The following NRXN1 variants were observed in gnomAD, a reference collection of about 807,000 sequenced individuals.
The protein encoded by NRXN1 is neurexin-1.
Under a neutral mutation model 150.9 loss-of-function variants are expected in NRXN1, and 39 were observed. That is an observed-to-expected ratio of 0.26 (90% CI 0.20 to 0.34). The LOEUF (loss-of-function observed/expected upper bound fraction) is 0.34, where lower values mean the gene tolerates loss of function less well. Ranked by LOEUF, NRXN1 falls within the 10% of genes least tolerant of loss-of-function variation. The pLI is 1.00. For synonymous variants in NRXN1, 924 were observed against 757.0 expected, an observed-to-expected ratio of 1.22 and a Z score of -3.62; for missense variants, 1,815 against 1,949.9, an observed-to-expected ratio of 0.93 and a Z score of 1.30.
At chr2:50,218,336 CAGTT>C (rs139092993) in intron 18 of NRXN1, among the ~76,000 whole-genome samples, 10,446 of 151,966 alleles carry the variant, frequency 0.069, 412 homozygotes, top group Middle Eastern at 0.12. Context: ...AATTGGGTGA[CAGTT>C]AGCTCCCAGA....
intron 9 of NRXN1, 61 bp from the exon 10 acceptor site, chr2:50,538,697 T>C: frequency 1.5e-6 from 2 of 1,335,030 alleles, no homozygotes; most frequent in East Asian, 2.5e-5. Flanking sequence ...TATAATTATC[T>C]TTCTCTCTTT....
chr2:50,992,336 G>C (rs1189789972), intron 2 of NRXN1, among the ~76,000 whole-genome samples: 1 of 151,924 alleles, frequency 6.6e-6, no homozygotes, highest in African/African-American at 2.4e-5. Context: ...GGTCATACAG[G>C]TAGCAAACAG....
At chr2:50,243,293 CAT>C (rs989426092) in intron 17 of NRXN1, among the ~76,000 whole-genome samples, 1 of 151,420 alleles carries the variant, frequency 6.6e-6, no homozygotes, top group Admixed American at 6.6e-5. Context: ...ACAATTATAA[CAT>C]GTCAATAAAA....
At chr2:50,826,027 A>T (rs1670402047) in intron 5 of NRXN1, among the ~76,000 whole-genome samples, 1 of 152,224 alleles carries the variant, frequency 6.6e-6, no homozygotes, top group Non-Finnish European at 1.5e-5. Context: ...CATGGAAATT[A>T]CAGTGGCTAT....
chr2:50,258,698 T>C (rs1453289611), intron 17 of NRXN1, among the ~76,000 whole-genome samples: 6 of 152,060 alleles, frequency 3.9e-5, no homozygotes, highest in South Asian at 2.1e-4. Flanking sequence ...TTTGTCTAGA[T>C]ACATCATAGG....
intron 5 of NRXN1, among the ~76,000 whole-genome samples, chr2:50,685,605 C>T (rs1229200939): frequency 6.6e-6 from 1 of 152,102 alleles, no homozygotes; most frequent in Non-Finnish European, 1.5e-5. Context: ...CAATATCCTC[C>T]AATGAGTATA....
intron 2 of NRXN1, among the ~76,000 whole-genome samples, chr2:50,995,817 G>GA (rs1389705200): frequency 6.6e-6 from 1 of 152,032 alleles, no homozygotes; most frequent in African/African-American, 2.4e-5. Flanking sequence ...ATTCTTGTGT[G>GA]ACTAAGCAAA....
intron 17 of NRXN1, among the ~76,000 whole-genome samples, chr2:50,412,561 C>G (rs1216335128): frequency 1.3e-5 from 2 of 151,508 alleles, no homozygotes; most frequent in Non-Finnish European, 2.9e-5. Context: ...TTTTTTTTCA[C>G]TCTTTATAAA....
intron 18 of NRXN1, among the ~76,000 whole-genome samples, chr2:50,189,947 A>G (rs2061345103): frequency 2.0e-5 from 3 of 152,192 alleles, no homozygotes; most frequent in Admixed American, 2.0e-4. Flanking sequence ...CATTTCACAA[A>G]TCAAACTCAA....
At chr2:50,445,941 T>A (rs1371452898) in intron 17 of NRXN1, among the ~76,000 whole-genome samples, 1 of 152,138 alleles carries the variant, frequency 6.6e-6, no homozygotes, top group African/African-American at 2.4e-5. Context: ...GTATTGACAT[T>A]CTCAATTTCT....
At chr2:50,309,760 A>T (rs1417427699) in intron 17 of NRXN1, among the ~76,000 whole-genome samples, 1 of 152,148 alleles carries the variant, frequency 6.6e-6, no homozygotes, top group Non-Finnish European at 1.5e-5. Context: ...AATAATTATT[A>T]ATTGCACTTA....
chr2:50,417,389 C>T (rs1275846384), intron 17 of NRXN1: 2 of 152,080 alleles, frequency 1.3e-5, no homozygotes, highest in Admixed American at 1.3e-4. Flanking sequence ...CTTCTCACTG[C>T]ATCTTTTGTT....
chr2:50,252,325 C>T (rs1429874696), intron 17 of NRXN1, among the ~76,000 whole-genome samples: 1 of 121,072 alleles, frequency 8.3e-6, no homozygotes, highest in Non-Finnish European at 1.6e-5. Context: ...AGTGCGTGAT[C>T]TTGGCTCACT....
chr2:50,273,775 A>G (rs1484385733), intron 17 of NRXN1, among the ~76,000 whole-genome samples: 1 of 152,198 alleles, frequency 6.6e-6, no homozygotes, highest in Non-Finnish European at 1.5e-5. Flanking sequence ...ATATGAAAAA[A>G]AGCTCATCAT....
intron 5 of NRXN1, among the ~76,000 whole-genome samples, chr2:50,811,433 A>G (rs1668202658): frequency 6.6e-6 from 1 of 152,194 alleles, no homozygotes; most frequent in South Asian, 2.1e-4. Flanking sequence ...GAATCAAGAT[A>G]CACACTTCTC....
intron 5 of NRXN1, among the ~76,000 whole-genome samples, chr2:50,865,658 G>GTTTT (rs71404978): frequency 0.053 from 2,201 of 41,850 alleles, 500 homozygotes; most frequent in Non-Finnish European, 0.066. Flanking sequence ...GCATTTGAAA[G>GTTTT]TTTTTTTTTT....
intron 5 of NRXN1, among the ~76,000 whole-genome samples, chr2:50,846,169 C>G (rs888834119): frequency 1.3e-5 from 2 of 151,956 alleles, no homozygotes; most frequent in African/African-American, 4.8e-5. Flanking sequence ...TTTTCTGAAC[C>G]ACGGGTGACC....
intron 17 of NRXN1, among the ~76,000 whole-genome samples, chr2:50,329,049 G>A (rs1378967111): frequency 6.6e-6 from 1 of 151,904 alleles, no homozygotes; most frequent in Non-Finnish European, 1.5e-5. Flanking sequence ...TAACAATAGA[G>A]AAAAATACCA....
intron 18 of NRXN1, among the ~76,000 whole-genome samples, chr2:50,124,478 C>T (rs970826563): frequency 3.3e-5 from 5 of 152,038 alleles, no homozygotes; most frequent in African/African-American, 4.8e-5. Context: ...ATTGTTAATA[C>T]GTAGAACCAG....
Sources: gnomAD v4.1 joint callset for allele counts (sites outside exome capture counted in the v4.1 genomes callset) on GRCh38, gnomAD v4.1.1 for gene constraint, MANE v1.5 for transcripts, NCBI Gene and HGNC (gene_info 2026-07-23, HGNC 2026-07-21) for gene names.